Variants in BNC2 observed in about 807,000 individuals in gnomAD.
BNC2 encodes zinc finger protein basonuclin-2.
A neutral mutation model predicts 76.3 loss-of-function variants in BNC2; 20 were observed. That is an observed-to-expected ratio of 0.26 (90% CI 0.18 to 0.38). BNC2 has a LOEUF of 0.38. BNC2 is among the 10% of genes least tolerant of loss of function. The pLI, the probability that BNC2 is intolerant of heterozygous loss-of-function variation, is 1.00. For missense variants in BNC2, 1,382 were observed against 1,399.8 expected (o/e 0.99, Z 0.20); for synonymous variants, 582 against 514.8 (o/e 1.13, Z -1.77).
intron 1 of BNC2, among the ~76,000 whole-genome samples, chr9:16,768,495 G>A (rs1825753093): frequency 1.3e-5 from 2 of 152,162 alleles, no homozygotes; most frequent in African/African-American, 4.8e-5. Flanking sequence ...GAGTTGGGGA[G>A]ATGTGTTTAG....
intron 5 of BNC2, among the ~76,000 whole-genome samples, chr9:16,534,722 T>C (rs1346486405): frequency 1.3e-5 from 2 of 152,162 alleles, no homozygotes. Flanking sequence ...AGCAGGAAGA[T>C]GGCTTTTGTA....
chr9:16,449,696 G>C (rs1587040462), intron 5 of BNC2, among the ~76,000 whole-genome samples: 1 of 152,210 alleles, frequency 6.6e-6, no homozygotes, highest in African/African-American at 2.4e-5. Context: ...TTAAATTTTA[G>C]CGGATCACAA....
intron 3 of BNC2, among the ~76,000 whole-genome samples, chr9:16,631,520 A>G (rs1313909846): frequency 1.3e-5 from 2 of 152,220 alleles, no homozygotes; most frequent in African/African-American, 4.8e-5. Flanking sequence ...CCATACTCCT[A>G]TAACAAGGGA....
chr9:16,604,242 A>G (rs886759873), intron 3 of BNC2, among the ~76,000 whole-genome samples: 3 of 152,202 alleles, frequency 2.0e-5, no homozygotes, highest in Admixed American at 6.5e-5. Flanking sequence ...TCTCTCTGTA[A>G]GAGAGATTTT....
At chr9:16,608,135 C>A (rs1188710377) in intron 3 of BNC2, among the ~76,000 whole-genome samples, 2 of 152,164 alleles carry the variant, frequency 1.3e-5, no homozygotes, top group African/African-American at 4.8e-5. Flanking sequence ...TACCCTTATC[C>A]TCTACTTTCC....
chr9:16,757,471 T>A (rs932519756), intron 1 of BNC2, among the ~76,000 whole-genome samples: 6 of 152,230 alleles, frequency 3.9e-5, no homozygotes, highest in Non-Finnish European at 7.3e-5. Context: ...AGCAATTTCT[T>A]GACAACTGTC....
chr9:16,863,803 A>T (rs1021264153), intron 1 of BNC2, among the ~76,000 whole-genome samples: 1 of 152,234 alleles, frequency 6.6e-6, no homozygotes, highest in Non-Finnish European at 1.5e-5. Context: ...ATAAGTCATT[A>T]ACATATTTGA....
intron 3 of BNC2, among the ~76,000 whole-genome samples, chr9:16,682,228 G>C (rs1351907689): frequency 6.7e-6 from 1 of 150,142 alleles, no homozygotes; most frequent in East Asian, 2.0e-4. Context: ...AACATGACCA[G>C]CTTTGCCCCA....
intron 5 of BNC2, among the ~76,000 whole-genome samples, chr9:16,517,002 A>G (rs180991537): frequency 9.8e-4 from 150 of 152,348 alleles, no homozygotes; most frequent in African/African-American, 3.2e-3. Flanking sequence ...CCAGGAATGC[A>G]GCACCAACAC....
chr9:16,560,874 G>A (rs1353811159), intron 4 of BNC2, among the ~76,000 whole-genome samples: 2 of 152,224 alleles, frequency 1.3e-5, no homozygotes, highest in Non-Finnish European at 2.9e-5. Flanking sequence ...GAAGGTACTG[G>A]ATGAACCTTG....
chr9:16,664,519 G>C (rs1266334171), intron 3 of BNC2, among the ~76,000 whole-genome samples: 2 of 152,124 alleles, frequency 1.3e-5, no homozygotes, highest in Non-Finnish European at 2.9e-5. Flanking sequence ...GGACACTGAA[G>C]AGAATTTCTG....
rs1820543133 is a variant in BNC2 at position 16,414,512 on chromosome 9, G to A, written c.*4477C>T. 6.6e-6 allele frequency: 1 copy of A among 152,284 alleles called. No individual in the cohort carries two copies. The highest frequency in any genetic ancestry group is 2.1e-4 in the South Asian group (1 of 4,826). The allele number at this position is 152,284 out of a possible 1,614,324, so 9.4% of individuals were successfully genotyped here. ...TGATTTTAAAGAATGAAATTCGTTT[G>A]TCATAATTTTAAAAAAGAAGCTCTT... On this transcript the variant is annotated 3_prime_UTR_variant, in exon 7 of 7. Transcript: ENST00000380672.
At chr9:16,447,286 A>G (rs949382267) in intron 5 of BNC2, among the ~76,000 whole-genome samples, 4 of 152,136 alleles carry the variant, frequency 2.6e-5, no homozygotes, top group Admixed American at 2.0e-4. Context: ...TAGGCTAAAT[A>G]TAACATACAC....
chr9:16,545,199 G>T (rs1182003204), intron 5 of BNC2, among the ~76,000 whole-genome samples: 1 of 152,112 alleles, frequency 6.6e-6, no homozygotes, highest in South Asian at 2.1e-4. Context: ...TTCTCTACTG[G>T]TTAGAAAGGG....
At chr9:16,548,815 AACTTTCTGT>A (rs1280087132) in intron 5 of BNC2, among the ~76,000 whole-genome samples, 1 of 152,246 alleles carries the variant, frequency 6.6e-6, no homozygotes, top group Non-Finnish European at 1.5e-5. Context: ...CTTAAAAGCT[AACTTTCTGT>A]ACTTTCTGAA....
chr9:16,431,427 T>G, intron 6 of BNC2: 1 of 469,128 alleles, frequency 2.1e-6, no homozygotes. Flanking sequence ...TATCACGCTC[T>G]CTTCAAGAGA....
rs536066833 is a variant in BNC2, at chr9:16,778,749, T to A, written c.4-40264A>T. Among the ~76,000 whole-genome samples, 120 of 152,272 alleles carry A rather than the reference T, an allele frequency of 7.9e-4. 2 individuals carry two copies. In the South Asian group the frequency reaches 0.011, roughly 14 times the overall value. ...TTAATGCATAGTTCTCAAAGTGGTA[T>A]AAGCTGAAATCTCAGATGCCCAAAC... On this transcript the variant is annotated intron_variant, in intron 1 of 6. Coordinates refer to ENST00000380672, the MANE Select transcript of BNC2 (RefSeq NM_017637.6).
At chr9:16,867,002 T>C (rs889892289) in intron 1 of BNC2, among the ~76,000 whole-genome samples, 13 of 152,188 alleles carry the variant, frequency 8.5e-5, no homozygotes, top group Admixed American at 8.5e-4. Flanking sequence ...ATTTATCAAG[T>C]TAAGAATCTA....
chr9:16,491,883 T>C (rs1401024881), intron 5 of BNC2, among the ~76,000 whole-genome samples: 1 of 152,210 alleles, frequency 6.6e-6, no homozygotes, highest in East Asian at 1.9e-4. Context: ...TATATTGATG[T>C]CCATAGCATG....
Sources: gnomAD v4.1 joint callset for allele counts (sites outside exome capture counted in the v4.1 genomes callset) on GRCh38, gnomAD v4.1.1 for gene constraint, MANE v1.5 for transcripts, NCBI Gene and HGNC (gene_info 2026-07-23, HGNC 2026-07-21) for gene names.